Variants in KATNAL1 observed in about 807,000 individuals in gnomAD.
The protein encoded by KATNAL1 is katanin catalytic subunit A1 like 1, also known as katanin p60 ATPase-containing subunit A-like 1.
KATNAL1 carries 32 observed loss-of-function variants against 55.2 expected under a neutral mutation model. The ratio of observed to expected loss-of-function variants is 0.58; its 90% CI spans 0.44 to 0.78. KATNAL1 has a LOEUF of 0.78. Ranked by LOEUF, KATNAL1 falls within the 30% of genes least tolerant of loss-of-function variation. KATNAL1 has a pLI of 0.00. For missense variants in KATNAL1, 466 were observed against 600.9 expected, an observed-to-expected ratio of 0.78 and a Z score of 2.35; for synonymous variants, 193 against 193.6, an observed-to-expected ratio of 1.00 and a Z score of 0.02.
At chr13:30,274,047 C>T (rs989047288) in intron 3 of KATNAL1, among the ~76,000 whole-genome samples, 5 of 152,208 alleles carry the variant, frequency 3.3e-5, no homozygotes, top group Non-Finnish European at 5.9e-5. Flanking sequence ...AGGCACAATA[C>T]TAGGCATCCA....
chr13:30,285,872 G>A (rs1333575969), intron 1 of KATNAL1, among the ~76,000 whole-genome samples: 1 of 152,210 alleles, frequency 6.6e-6, no homozygotes, highest in Non-Finnish European at 1.5e-5. Flanking sequence ...TCCTTGCTGT[G>A]CTTTGGCAAA....
At chr13:30,261,272 A>C (rs1403200573) in intron 3 of KATNAL1, among the ~76,000 whole-genome samples, 2 of 152,142 alleles carry the variant, frequency 1.3e-5, no homozygotes, top group Non-Finnish European at 2.9e-5. Flanking sequence ...TCATGCCAAA[A>C]TGTAAAGACC....
At chr13:30,299,601 C>G (rs1170006679) in intron 1 of KATNAL1, among the ~76,000 whole-genome samples, 4 of 152,076 alleles carry the variant, frequency 2.6e-5, no homozygotes, top group Non-Finnish European at 5.9e-5. Context: ...ATTTCTAGGT[C>G]TTTTTAAAAT....
In KATNAL1 at chr13:30,262,073, A is replaced by G. The variant is rs372235209; in HGVS notation, c.324-6458T>C. Among the ~76,000 whole-genome samples, 113 of 151,872 alleles carry G rather than the reference A, an allele frequency of 7.4e-4. 1 individual carries two copies. Among genetic ancestry groups the G allele is most frequent in the African/African-American group, 2.6e-3 (107 of 41,302 alleles). On this transcript the variant is annotated intron_variant, in intron 3 of 10. Coordinates refer to ENST00000380615, the MANE Select transcript of KATNAL1 (RefSeq NM_032116.5). ...CTCAGGATTAAGAATCTCACTCAAA[A>G]CCGCTCAACTACACGGAAACTGAAC...
In KATNAL1 at chr13:30,307,040, A is replaced by C. The variant is rs551144222; in HGVS notation, c.-15+291T>G. 68 of 152,012 alleles carry C rather than the reference A, an allele frequency of 4.5e-4. No homozygotes were observed. The Middle Eastern group carries it at 0.014, about 30-fold the overall frequency. 9.4% of individuals were successfully genotyped at this position (152,012 alleles called of 1,614,324 possible). On this transcript the variant is annotated intron_variant, in intron 1 of 10. Transcript: ENST00000380615. ...TTTTTTTCTGTCCCGGTCCGCTCAA[A>C]GTTTATCGGTCTTTCCCGGCGGTCG...
chr13:30,270,619 C>T (rs549385075), intron 3 of KATNAL1, among the ~76,000 whole-genome samples: 1 of 151,778 alleles, frequency 6.6e-6, no homozygotes, highest in Non-Finnish European at 1.5e-5. Flanking sequence ...TACCCCCAAC[C>T]CTGTGCTCTC....
intron 3 of KATNAL1, among the ~76,000 whole-genome samples, chr13:30,278,854 A>T (rs530940050): frequency 2.0e-5 from 3 of 152,274 alleles, no homozygotes; most frequent in Admixed American, 6.5e-5. Flanking sequence ...CTTTTGAGGG[A>T]TATGGGTTAC....
chr13:30,290,036 G>A (rs1882033449), intron 1 of KATNAL1, among the ~76,000 whole-genome samples: 1 of 152,126 alleles, frequency 6.6e-6, no homozygotes, highest in South Asian at 2.1e-4. Context: ...TTATAAAAAT[G>A]CAAAAATCAT....
At chr13:30,228,246 C>A (rs576459664) in intron 8 of KATNAL1, among the ~76,000 whole-genome samples, 38 of 152,148 alleles carry the variant, frequency 2.5e-4, no homozygotes, top group Non-Finnish European at 4.1e-4. Context: ...GATAAAAAAA[C>A]CCCATAAACT....
In KATNAL1 at chr13:30,240,505, TG is replaced by T; in HGVS notation, c.680del (p.Pro227GlnfsTer19). The T allele has an allele frequency of 6.2e-7, 1 of 1,613,892 alleles. No homozygotes were observed. The highest frequency in any genetic ancestry group is 8.5e-7 in the Non-Finnish European group (1 of 1,179,848). ...KKLLREAVVLPMWMPDFFKGI... is the reference protein window; with the variant it reads ...KKLLREAVVLXMWMPDFFKGI... Reference sequence around the variant, plus strand: ...CTTTGAAAAAGTCAGGCATCCACATTGGAAGAACAACAGCTTCCCTTAGCAA... The same window carrying T: ...CTTTGAAAAAGTCAGGCATCCACATTGAAGAACAACAGCTTCCCTTAGCAA... On this transcript the variant is annotated frameshift_variant, in exon 6 of 11. Transcript: ENST00000380615. LOFTEE classifies it high-confidence loss of function.
rs559037385 is a variant in KATNAL1 at position 30,212,452 on chromosome 13, T to C, written c.1148-2010A>G. Among the ~76,000 whole-genome samples the C allele has an allele frequency of 7.4e-4, 112 of 152,250 alleles. 1 individual carries two copies. Among genetic ancestry groups the C allele is most frequent in the Non-Finnish European group, 2.4e-4 (16 of 68,040 alleles). On this transcript the variant is annotated intron_variant, in intron 9 of 10. Coordinates refer to ENST00000380615, the MANE Select transcript of KATNAL1 (RefSeq NM_032116.5). ...CACCCCTCACCACTCTGTGCCTGGC[T>C]TGCCCTTGGCCGGCGTGGGATCAGG...
intron 6 of KATNAL1, among the ~76,000 whole-genome samples, chr13:30,237,013 C>T (rs1876753488): frequency 6.6e-6 from 1 of 152,182 alleles, no homozygotes; most frequent in African/African-American, 2.4e-5. Flanking sequence ...AGACTAAGTC[C>T]CTCTTCCTCT....
chr13:30,279,637 G>A (rs952806871), intron 3 of KATNAL1, among the ~76,000 whole-genome samples: 3 of 152,140 alleles, frequency 2.0e-5, no homozygotes, highest in Non-Finnish European at 2.9e-5. Context: ...AAACATTATC[G>A]GTAAGGTTCC....
At chr13:30,243,277 T>C (rs1371555915) in intron 4 of KATNAL1, among the ~76,000 whole-genome samples, 10 of 152,204 alleles carry the variant, frequency 6.6e-5, no homozygotes, top group Non-Finnish European at 2.9e-5. Flanking sequence ...TGGATAATCT[T>C]CTATTTGAGG....
rs116728538 is a variant in KATNAL1, at chr13:30,297,520, T to C, written c.-15+9811A>G. Among the ~76,000 whole-genome samples the C allele has an allele frequency of 6.9e-3, 1,058 of 152,292 alleles. 7 individuals are homozygous for C. The highest frequency in any genetic ancestry group is 0.024 in the African/African-American group (996 of 41,564). On this transcript the variant is annotated intron_variant, in intron 1 of 10. Transcript: ENST00000380615. ...CCCAGCAGTCCCATTACTGGGTATA[T>C]ACCCAAAAGAAAACCAATCATTCTA... is the stretch of plus-strand genomic sequence containing the variant.
chr13:30,274,907 G>GCGCGCGCGCGCGCA (rs869107567), intron 3 of KATNAL1, among the ~76,000 whole-genome samples: 7 of 105,432 alleles, frequency 6.6e-5, no homozygotes, highest in Non-Finnish European at 9.7e-5. Flanking sequence ...GCGCGCGCGC[G>GCGCGCGCGCGCGCA]CACACACACA....
chr13:30,286,457 C>T (rs897412565), intron 1 of KATNAL1, among the ~76,000 whole-genome samples: 4 of 152,224 alleles, frequency 2.6e-5, no homozygotes, highest in African/African-American at 4.8e-5. Flanking sequence ...TGGCAGCTTC[C>T]ACATGGTGCT....
chr13:30,231,320 AAAC>A lies in KATNAL1; in HGVS notation c.876_878del (p.Leu292del). On this transcript the variant is annotated inframe_deletion, in exon 7 of 11. Transcript: ENST00000380615. ...TGAATATATCGTCACTCACCATCTC[AAAC>A]AACAGACGAACTAACTTCTCAGATT... is the stretch of plus-strand genomic sequence containing the variant. 6.2e-7 allele frequency: 1 copy of A among 1,605,568 alleles called. No individual in the cohort carries two copies. The highest frequency in any genetic ancestry group is 8.5e-7 in the Non-Finnish European group (1 of 1,175,638).
At chr13:30,240,926 C>T in intron 5 of KATNAL1, 33 bp downstream of exon 5, 1 of 1,592,812 alleles carries the variant, frequency 6.3e-7, no homozygotes, top group Non-Finnish European at 8.5e-7. Context: ...GTGTTCTCCT[C>T]TACTTTAATT....
Sources: allele counts gnomAD v4.1 joint callset (sites outside exome capture counted in the v4.1 genomes callset), GRCh38; gene constraint gnomAD v4.1.1; transcripts MANE v1.5; gene names NCBI Gene and HGNC (gene_info 2026-07-23, HGNC 2026-07-21).